Variants in INTU observed in about 807,000 individuals in gnomAD.
The protein encoded by INTU is protein inturned.
A neutral mutation model predicts 100.5 loss-of-function variants in INTU; 68 were observed. The observed-to-expected ratio is 0.68, with a 90% CI of 0.56 to 0.83. The LOEUF (loss-of-function observed/expected upper bound fraction) is 0.83. Ranked by LOEUF, INTU falls within the 40% of genes least tolerant of loss-of-function variation. The pLI is 0.00. For missense variants in INTU, 1,071 were observed against 1,114.7 expected, an observed-to-expected ratio of 0.96 and a Z score of 0.56; for synonymous variants, 357 against 395.7, an observed-to-expected ratio of 0.90 and a Z score of 1.16.
In INTU at chr4:127,720,976, G is replaced by A. The variant is rs1472966591; in HGVS notation, c.*4540G>A. ...GGCATTTAGTGCATTTACATTTAAG[G>A]TTAATATTGTTATGTGTGAATTTTA... is the stretch of plus-strand genomic sequence containing the variant. On this transcript the variant is annotated 3_prime_UTR_variant, in exon 16 of 16. Transcript: ENST00000335251. The A allele has an allele frequency of 6.6e-6, 1 of 152,086 alleles. No individual in the cohort carries two copies. The highest frequency in any genetic ancestry group is 1.5e-5 in the Non-Finnish European group (1 of 68,002). The allele number at this position is 152,086 out of a possible 1,614,324, so 9.4% of individuals were successfully genotyped here. A position where few individuals can be genotyped will look rare whatever the true frequency, so the allele number is the denominator to read the frequency against.
rs985215164 is a variant in INTU, at chr4:127,717,450, T to C, written c.*1014T>C. ...TGTAAATAGTGCTTCAATGAACATA[T>C]GTGTGCATATATATTTGTAATTGAA... On this transcript the variant is annotated 3_prime_UTR_variant, in exon 16 of 16. Transcript: ENST00000335251. The C allele has an allele frequency of 6.6e-6, 1 of 152,210 alleles. No individual in the cohort carries two copies. Among genetic ancestry groups the C allele is most frequent in the Non-Finnish European group, 1.5e-5 (1 of 68,030 alleles). 9.4% of individuals were successfully genotyped at this position (152,210 alleles called of 1,614,324 possible).
At position 127,677,692 on chromosome 4, in the gene INTU, G is replaced by A. The variant is rs1396182513; in HGVS notation, c.1181+3479G>A. Among the ~76,000 whole-genome samples, 40 of 152,222 alleles carry A rather than the reference G, an allele frequency of 2.6e-4. No homozygotes were observed. In the South Asian group the frequency reaches 6.8e-3, roughly 26 times the overall value. On this transcript the variant is annotated intron_variant, in intron 6 of 15. Transcript: ENST00000335251. The stretch of plus-strand genomic sequence containing the variant: ...AACTGGAAACTCTAAAAAGCAGAGT[G>A]CCTCTCCTCCTCCAAAGGAACGCAG...
chr4:127,725,794 AT>A lies in INTU; in HGVS notation c.*9364del, dbSNP rs1731409051. On this transcript the variant is annotated 3_prime_UTR_variant, in exon 16 of 16. Coordinates refer to ENST00000335251, the MANE Select transcript of INTU (RefSeq NM_015693.4). ...TTTAAGAAATAAAATCACACATCTT[AT>A]TTTTTCATTTCTAAATGGATATTGA... 6.6e-6 allele frequency: 1 copy of A among 152,144 alleles called. No homozygotes were observed. Among genetic ancestry groups the A allele is most frequent in the Admixed American group, 6.5e-5 (1 of 15,270 alleles). 9.4% of individuals were successfully genotyped at this position (152,144 alleles called of 1,614,324 possible).
intron 2 of INTU, among the ~76,000 whole-genome samples, chr4:127,652,842 A>G (rs1578544826): frequency 7.7e-6 from 1 of 130,156 alleles, no homozygotes; most frequent in Admixed American, 8.0e-5. Flanking sequence ...CTGTGAATCC[A>G]TCTGGTCCTG....
intron 8 of INTU, among the ~76,000 whole-genome samples, chr4:127,692,539 G>A (rs1730198102): frequency 6.6e-6 from 1 of 151,220 alleles, no homozygotes; most frequent in Non-Finnish European, 1.5e-5. Flanking sequence ...ACTCTGTGGG[G>A]TGTTAACTCT....
chr4:127,693,438 G>A (rs1454913295), intron 8 of INTU, among the ~76,000 whole-genome samples: 1 of 152,164 alleles, frequency 6.6e-6, no homozygotes, highest in East Asian at 1.9e-4. Context: ...CTGAAACTTT[G>A]CTGAATTCAT....
Position 127,706,838 on chromosome 4 carries a change from G to A in INTU, c.2140G>A (p.Gly714Arg). 1 of 1,614,102 alleles carries A rather than the reference G, an allele frequency of 6.2e-7. No individual in the cohort carries two copies. Among genetic ancestry groups the A allele is most frequent in the Non-Finnish European group, 8.5e-7 (1 of 1,180,012 alleles). The change falls in exon 12 of 16, where the codon GGA (glycine) becomes AGA (arginine). Residue 714 changes from glycine to arginine, a missense_variant. Physicochemically the swap from Gly to Arg is moderately radical, Grantham distance 125. Transcript: ENST00000335251. ...CAAGCCTAGTCCTTCCTGTAGTAGT[G>A]GAGGATCTGACAATGGTTGTGAAGG... ...TRKPSPSCSS[G>R]GSDNGCEGGE...
intron 8 of INTU, among the ~76,000 whole-genome samples, chr4:127,693,721 G>T (rs115215909): frequency 0.013 from 1,981 of 152,168 alleles, 25 homozygotes; most frequent in South Asian, 0.049. Flanking sequence ...GTCATAGGTG[G>T]CTTTTATAAC....
At chr4:127,690,452 C>A (rs1448715697) in intron 8 of INTU, among the ~76,000 whole-genome samples, 1 of 152,118 alleles carries the variant, frequency 6.6e-6, no homozygotes, top group Non-Finnish European at 1.5e-5. Flanking sequence ...CCATGCTTTG[C>A]AGAATCCAGA....
chr4:127,644,054 T>A lies in INTU; in HGVS notation c.680T>A (p.Ile227Asn), dbSNP rs577565737. 6.2e-7 allele frequency: 1 copy of A among 1,609,890 alleles called. No homozygotes were observed. The highest frequency in any genetic ancestry group is 1.1e-5 in the South Asian group (1 of 90,762). ...GSAMKSGQVL[I>N]GDVLVAVNDV... The stretch of plus-strand genomic sequence containing the variant: ...GCTATGAAGAGCGGTCAGGTACTCA[T>A]TGGTAAGTGTTGCTGGTACACATCC... The change falls in exon 2 of 16, where the codon ATT (isoleucine) becomes AAT (asparagine). Residue 227 changes from isoleucine (I) to asparagine (N), a missense_variant and splice_region_variant. Ile to Asn is a moderately radical substitution (Grantham distance 149, BLOSUM62 -3). Coordinates refer to ENST00000335251, the MANE Select transcript of INTU (RefSeq NM_015693.4).
At chr4:127,710,545 T>G (rs1048117791) in intron 13 of INTU, among the ~76,000 whole-genome samples, 1 of 152,150 alleles carries the variant, frequency 6.6e-6, no homozygotes, top group African/African-American at 2.4e-5. Flanking sequence ...TGTTTATGGC[T>G]TATAGCTATC....
intron 2 of INTU, among the ~76,000 whole-genome samples, chr4:127,656,297 C>G (rs1728219555): frequency 1.3e-5 from 2 of 152,132 alleles, no homozygotes; most frequent in Admixed American, 6.5e-5. Context: ...TTGTCAAGTA[C>G]AGTATTTGGT....
At chr4:127,668,976 G>T (rs1728808869) in intron 4 of INTU, 60 bp from the exon 5 acceptor site, 2 of 720,092 alleles carry the variant, frequency 2.8e-6, no homozygotes, top group Admixed American at 2.5e-5. Context: ...GTTTGAACTT[G>T]CCCTGACAAA....
At chr4:127,651,312 G>C (rs1370301802) in intron 2 of INTU, among the ~76,000 whole-genome samples, 2 of 152,110 alleles carry the variant, frequency 1.3e-5, no homozygotes, top group African/African-American at 2.4e-5. Context: ...GTCTTGAATG[G>C]TAATGCCTAG....
chr4:127,672,591 A>G (rs1361027601), intron 5 of INTU, among the ~76,000 whole-genome samples: 2 of 151,856 alleles, frequency 1.3e-5, no homozygotes, highest in African/African-American at 4.8e-5. Flanking sequence ...AAATACAGCT[A>G]GAAAAACTTT....
chr4:127,721,358 T>A lies in INTU; in HGVS notation c.*4922T>A, dbSNP rs1731343019. ...GAGGTCTGCTGTTAGTCTGATGGGCTTCCCTTTATAAGTGACCTGGCCTAT... is the reference window on the plus strand; with the variant it reads ...GAGGTCTGCTGTTAGTCTGATGGGCATCCCTTTATAAGTGACCTGGCCTAT... On this transcript the variant is annotated 3_prime_UTR_variant, in exon 16 of 16. Transcript: ENST00000335251. 6.6e-6 allele frequency: 1 copy of A among 152,216 alleles called. No homozygotes were observed. The allele number at this position is 152,216 out of a possible 1,614,324, so 9.4% of individuals were successfully genotyped here.
At chr4:127,677,029 T>C (rs1279817692) in intron 6 of INTU, among the ~76,000 whole-genome samples, 2 of 152,080 alleles carry the variant, frequency 1.3e-5, no homozygotes, top group East Asian at 1.9e-4. Context: ...AACTGCAAGA[T>C]GGCAGGGAGG....
At chr4:127,646,366 T>C (rs933911556) in intron 2 of INTU, among the ~76,000 whole-genome samples, 1 of 152,164 alleles carries the variant, frequency 6.6e-6, no homozygotes, top group Non-Finnish European at 1.5e-5. Flanking sequence ...AGAATTCATT[T>C]AACGTGCCCC....
At chr4:127,670,960 A>T (rs1728900449) in intron 5 of INTU, among the ~76,000 whole-genome samples, 1 of 152,080 alleles carries the variant, frequency 6.6e-6, no homozygotes, top group Admixed American at 6.6e-5. Flanking sequence ...ACAAAAATGA[A>T]CTCAAGTTAG....
Sources: gnomAD v4.1 joint callset for allele counts (sites outside exome capture counted in the v4.1 genomes callset) on GRCh38, gnomAD v4.1.1 for gene constraint, MANE v1.5 for transcripts, NCBI Gene and HGNC (gene_info 2026-07-23, HGNC 2026-07-21) for gene names.